The following KIRREL3 variants were observed in gnomAD, a reference collection of about 807,000 sequenced individuals.
KIRREL3 encodes the protein kirre like nephrin family adhesion molecule 3, also known as kin of IRRE-like protein 3.
In KIRREL3, 36 loss-of-function variants were observed where a neutral mutation model predicts 89.7. The ratio of observed to expected loss-of-function variants is 0.40; its 90% CI spans 0.31 to 0.53. The LOEUF (loss-of-function observed/expected upper bound fraction) is 0.53, where lower values mean the gene tolerates loss of function less well. Ranked by LOEUF, KIRREL3 falls within the 20% of genes least tolerant of loss-of-function variation. The pLI is 0.49. For synonymous variants in KIRREL3, 445 were observed against 441.4 expected, an observed-to-expected ratio of 1.01 and a Z score of -0.10; for missense variants, 864 against 1,056.6, an observed-to-expected ratio of 0.82 and a Z score of 2.53.
chr11:126,779,617 T>C (rs1176447190), intron 1 of KIRREL3, among the ~76,000 whole-genome samples: 1 of 152,190 alleles, frequency 6.6e-6, no homozygotes, highest in Non-Finnish European at 1.5e-5. Flanking sequence ...TTAAAATTTA[T>C]GTCCATAGTC....
intron 1 of KIRREL3, among the ~76,000 whole-genome samples, chr11:126,834,164 C>T (rs1391089876): frequency 6.6e-6 from 1 of 152,164 alleles, no homozygotes; most frequent in Non-Finnish European, 1.5e-5. Context: ...TTGAGGTTCG[C>T]CTCTAGTTCC....
In KIRREL3 at chr11:126,427,298, C is replaced by T. The variant is rs1160422382; in HGVS notation, c.1807-1574G>A. 2.0e-5 allele frequency among the ~76,000 whole-genome samples: 3 copies of T among 152,124 alleles called. No individual in the cohort carries two copies. The highest frequency in any genetic ancestry group is 4.8e-5 in the African/African-American group (2 of 41,416). On this transcript the variant is annotated intron_variant, in intron 15 of 16. Transcript: ENST00000525144. This position sits in a 1 kb window ranked among gnomAD's most constrained non-coding sequence, Gnocchi z 5.3. Reference sequence around the variant, plus strand: ...TTAGGCCCCAGGGGAAATAGATGAGCGTAGACTCAGAAACATGACCTTTGC... The same window carrying T: ...TTAGGCCCCAGGGGAAATAGATGAGTGTAGACTCAGAAACATGACCTTTGC...
At position 126,736,283 on chromosome 11, in the gene KIRREL3, T is replaced by C. The variant is rs115775096; in HGVS notation, c.56-173371A>G. Among the ~76,000 whole-genome samples, 2,147 of 152,328 alleles carry C rather than the reference T, an allele frequency of 0.014. 48 individuals are homozygous for C. Among genetic ancestry groups the C allele is most frequent in the African/African-American group, 0.045 (1,886 of 41,562 alleles). ...ACACACATTTCCTCATTTAATACTC[T>C]TGTGAAATGTGCACTATCATCTCCA... On this transcript the variant is annotated intron_variant, in intron 1 of 16. Transcript: ENST00000525144. This position sits in a 1 kb window ranked among gnomAD's most constrained non-coding sequence, Gnocchi z 5.0.
rs1958288024 is a variant in KIRREL3 at position 126,513,318 on chromosome 11, A to G, written c.433+7997T>C. ...AAGCTACCCCCAGATTTCAGTGGCG[A>G]GTGGGCACTTGGATAGGCAGTGTCG... On this transcript the variant is annotated intron_variant, in intron 4 of 16. Transcript: ENST00000525144. The surrounding 1 kb of genome is among the most constrained non-coding windows in gnomAD (Gnocchi z 5.9). 6.6e-6 allele frequency among the ~76,000 whole-genome samples: 1 copy of G among 152,044 alleles called. No homozygotes were observed. The highest frequency in any genetic ancestry group is 1.5e-5 in the Non-Finnish European group (1 of 68,002).
intron 1 of KIRREL3, among the ~76,000 whole-genome samples, chr11:126,910,819 G>A (rs1021187304): frequency 1.3e-5 from 2 of 152,212 alleles, no homozygotes; most frequent in Admixed American, 1.3e-4. Flanking sequence ...TCACCTGCTA[G>A]GGGAAACATC....
chr11:126,824,241 G>C (rs552173277), intron 1 of KIRREL3, among the ~76,000 whole-genome samples: 1 of 152,256 alleles, frequency 6.6e-6, no homozygotes, highest in African/African-American at 2.4e-5. Flanking sequence ...TTCTCATCCG[G>C]CAAGCTGATG....
chr11:126,857,243 A>C (rs1944548837), intron 1 of KIRREL3, among the ~76,000 whole-genome samples: 1 of 152,108 alleles, frequency 6.6e-6, no homozygotes. Flanking sequence ...CAGCCCACCC[A>C]CCTGTGTGCC....
intron 1 of KIRREL3, among the ~76,000 whole-genome samples, chr11:126,654,337 GTTTTTTT>G (rs5795513): frequency 1.4e-5 from 2 of 139,178 alleles, no homozygotes; most frequent in Non-Finnish European, 3.1e-5. Context: ...TAAACTGAAA[GTTTTTTT>G]TTTTTTTTTT....
At position 126,987,216 on chromosome 11, in the gene KIRREL3, T is replaced by C. The variant is rs1949892063; in HGVS notation, c.55+13239A>G. Among the ~76,000 whole-genome samples, 1 of 152,182 alleles carries C rather than the reference T, an allele frequency of 6.6e-6. No homozygotes were observed. The highest frequency in any genetic ancestry group is 1.5e-5 in the Non-Finnish European group (1 of 68,026). ...GAGTCTACACCTAGAATTAAGGGGA[T>C]ACACTGACCCACAAAGATTCCTTTT... On this transcript the variant is annotated intron_variant, in intron 1 of 16. Coordinates refer to ENST00000525144, the MANE Select transcript of KIRREL3 (RefSeq NM_032531.4). The surrounding 1 kb of genome is among the most constrained non-coding windows in gnomAD (Gnocchi z 4.6).
At position 126,795,813 on chromosome 11, in the gene KIRREL3, G is replaced by A. The variant is rs1021823461; in HGVS notation, c.55+204642C>T. On this transcript the variant is annotated intron_variant, in intron 1 of 16. Coordinates refer to ENST00000525144, the MANE Select transcript of KIRREL3 (RefSeq NM_032531.4). This position sits in a 1 kb window ranked among gnomAD's most constrained non-coding sequence, Gnocchi z 4.1. ...TCAACCACCAGTTCTTCTTCCCCCTGTGCACCCCAAGAGCGTACATCAGCT... is the reference window on the plus strand; with the variant it reads ...TCAACCACCAGTTCTTCTTCCCCCTATGCACCCCAAGAGCGTACATCAGCT... Among the ~76,000 whole-genome samples, 1 of 151,966 alleles carries A rather than the reference G, an allele frequency of 6.6e-6. No homozygotes were observed. The highest frequency in any genetic ancestry group is 1.5e-5 in the Non-Finnish European group (1 of 68,004).
rs1431322633 is a variant in KIRREL3 at position 126,640,343 on chromosome 11, C to T, written c.56-77431G>A. Among the ~76,000 whole-genome samples the T allele has an allele frequency of 6.6e-6, 1 of 152,132 alleles. No individual in the cohort carries two copies. Among genetic ancestry groups the T allele is most frequent in the African/African-American group, 2.4e-5 (1 of 41,442 alleles). ...AGACTAACTGAACACAACACACACA[C>T]AGACGCGCGTGTGCGCGCGCACACA... is the stretch of plus-strand genomic sequence containing the variant. On this transcript the variant is annotated intron_variant, in intron 1 of 16. Transcript: ENST00000525144. This position sits in a 1 kb window ranked among gnomAD's most constrained non-coding sequence, Gnocchi z 4.9.
At position 126,656,203 on chromosome 11, in the gene KIRREL3, G is replaced by C. The variant is rs1056130324; in HGVS notation, c.56-93291C>G. 1.3e-5 allele frequency: 6 copies of C among 455,924 alleles called. No individual in the cohort carries two copies. Among genetic ancestry groups the C allele is most frequent in the Admixed American group, 2.3e-5 (1 of 42,558 alleles). The allele number at this position is 455,924 out of a possible 1,614,324, so 28.2% of individuals were successfully genotyped here. A position where few individuals can be genotyped will look rare whatever the true frequency, so the allele number is the denominator to read the frequency against. The stretch of plus-strand genomic sequence containing the variant: ...GAGGTCAGGGAGGGCTACAGAGTTA[G>C]GACTCCGAAGTCAGAAAGATGCCTG... On this transcript the variant is annotated intron_variant, in intron 1 of 16. Coordinates refer to ENST00000525144, the MANE Select transcript of KIRREL3 (RefSeq NM_032531.4). This position sits in a 1 kb window ranked among gnomAD's most constrained non-coding sequence, Gnocchi z 4.0.
intron 7 of KIRREL3, among the ~76,000 whole-genome samples, chr11:126,451,331 TGA>T (rs1386989809): frequency 2.1e-5 from 3 of 140,526 alleles, no homozygotes; most frequent in African/African-American, 8.1e-5. Flanking sequence ...TGTGCATTAG[TGA>T]GTGTGTGCAT....
At chr11:126,533,037 C>T (rs2134463174) in intron 2 of KIRREL3, among the ~76,000 whole-genome samples, 1 of 152,154 alleles carries the variant, frequency 6.6e-6, no homozygotes, top group Admixed American at 6.5e-5. Context: ...AAACTCCTGG[C>T]CTGAAGCAAT....
chr11:126,972,209 G>A (rs1303763862), intron 1 of KIRREL3, among the ~76,000 whole-genome samples: 1 of 58,330 alleles, frequency 1.7e-5, no homozygotes, highest in East Asian at 2.9e-4. Context: ...AGAGAGGACT[G>A]TGCATACACA....
intron 1 of KIRREL3, among the ~76,000 whole-genome samples, chr11:126,760,704 A>T (rs1949642465): frequency 6.6e-6 from 1 of 152,182 alleles, no homozygotes; most frequent in African/African-American, 2.4e-5. Context: ...CTAGACCTTG[A>T]AGTCAGACCA....
chr11:126,863,766 C>G (rs1231522588), intron 1 of KIRREL3, among the ~76,000 whole-genome samples: 1 of 152,110 alleles, frequency 6.6e-6, no homozygotes, highest in African/African-American at 2.4e-5. Flanking sequence ...TCCTTAAAGT[C>G]ACTTTAAGTT....
chr11:126,787,767 T>G (rs570535722), intron 1 of KIRREL3, among the ~76,000 whole-genome samples: 1 of 152,308 alleles, frequency 6.6e-6, no homozygotes, highest in African/African-American at 2.4e-5. Context: ...TGTCATACCC[T>G]CAGCCAGCAG....
In KIRREL3 at chr11:126,579,413, T is replaced by C. The variant is rs1020869875; in HGVS notation, c.56-16501A>G. ...TGCTTGTTGTCTGAGCTTTTAGCCC[T>C]CTGATTTACTTATTAGATTTCTACT... On this transcript the variant is annotated intron_variant, in intron 1 of 16. Coordinates refer to ENST00000525144, the MANE Select transcript of KIRREL3 (RefSeq NM_032531.4). The surrounding 1 kb of genome is among the most constrained non-coding windows in gnomAD (Gnocchi z 5.3). 6.6e-6 allele frequency among the ~76,000 whole-genome samples: 1 copy of C among 152,156 alleles called. No homozygotes were observed. The highest frequency in any genetic ancestry group is 1.5e-5 in the Non-Finnish European group (1 of 68,026).
Sources: allele counts gnomAD v4.1 joint callset (sites outside exome capture counted in the v4.1 genomes callset), GRCh38; gene constraint gnomAD v4.1.1; non-coding constraint Gnocchi (gnomAD v3.1); transcripts MANE v1.5; gene names NCBI Gene and HGNC (gene_info 2026-07-23, HGNC 2026-07-21).